The following NHS variants were observed in gnomAD, a reference collection of about 807,000 sequenced individuals.
NHS encodes actin remodeling regulator NHS.
A neutral mutation model predicts 72.5 loss-of-function variants in NHS; 5 were observed. That is an observed-to-expected ratio of 0.07 (90% CI 0.04 to 0.14). The LOEUF is 0.14. NHS is among the 10% of genes least tolerant of loss of function. The pLI is 1.00. For missense variants in NHS, 1,072 were observed against 1,355.7 expected (o/e 0.79, Z 3.29); for synonymous variants, 464 against 547.7 (o/e 0.85, Z 2.13).
intron 1 of NHS, among the ~76,000 whole-genome samples, chrX:17,613,292 G>C (rs1262205695): frequency 4.5e-5 from 5 of 111,416 alleles, no homozygotes; most frequent in Non-Finnish European, 9.4e-5. Flanking sequence ...AGAATCGCTT[G>C]AACCCTGGCG....
At chrX:17,395,823 C>T (rs1001103889) in intron 1 of NHS, among the ~76,000 whole-genome samples, 5 of 111,721 alleles carry the variant, frequency 4.5e-5, no homozygotes, top group African/African-American at 1.6e-4. Flanking sequence ...AAAATAATTG[C>T]AAAAGTAAAT....
At chrX:17,474,920 C>T (rs968236714) in intron 1 of NHS, among the ~76,000 whole-genome samples, 1 of 111,222 alleles carries the variant, frequency 9.0e-6, no homozygotes, top group Non-Finnish European at 1.9e-5. Flanking sequence ...TTTCAAATGG[C>T]ATCATCCTAG....
At chrX:17,584,060 A>G (rs1327935194) in intron 1 of NHS, among the ~76,000 whole-genome samples, 1 of 111,717 alleles carries the variant, frequency 9.0e-6, no homozygotes, top group Non-Finnish European at 1.9e-5. Flanking sequence ...GTTTGCTGAG[A>G]CAGGCAGTCC....
At chrX:17,453,092 C>T (rs1370188471) in intron 1 of NHS, among the ~76,000 whole-genome samples, 1 of 111,810 alleles carries the variant, frequency 8.9e-6, no homozygotes. Flanking sequence ...ATCTTTTCTT[C>T]ATTGTCAGGG....
Position 17,482,430 on chromosome X carries a change from T to C in NHS, c.565+106108T>C, listed in dbSNP as rs1342629353. 3.6e-5 allele frequency among the ~76,000 whole-genome samples: 4 copies of C among 112,549 alleles called. No individual in the cohort carries two copies. In the East Asian group the frequency reaches 8.4e-4, roughly 24 times the overall value. ...AGCAAAATTGTTTACTTCCTAAACA[T>C]TTTTCCAACCTCCAAAACAGCTCAC... On this transcript the variant is annotated intron_variant, in intron 1 of 8. Transcript: ENST00000676302.
At chrX:17,561,568 GCGCGCGCACACACACACACACA>G (rs1216725785) in intron 1 of NHS, among the ~76,000 whole-genome samples, 7 of 65,618 alleles carry the variant, frequency 1.1e-4, no homozygotes, top group African/African-American at 5.0e-4. Flanking sequence ...GCGCGCGCGC[GCGCGCGCACACACACACACACA>G]CACACACACA....
At chrX:17,504,941 T>C (rs986899421) in intron 1 of NHS, among the ~76,000 whole-genome samples, 44 of 111,860 alleles carry the variant, frequency 3.9e-4, no homozygotes, top group Non-Finnish European at 1.1e-4. Context: ...GTTCTAGTCT[T>C]CTCTCCAAAG....
chrX:17,399,899 G>A (rs2064495121), intron 1 of NHS, among the ~76,000 whole-genome samples: 1 of 111,783 alleles, frequency 8.9e-6, no homozygotes, highest in Admixed American at 9.5e-5. Flanking sequence ...TAACAAACTA[G>A]GAGTAGAAGG....
rs1006323415 is a variant in NHS at position 17,716,000 on chromosome X, T to C, written c.853-3344T>C. Among the ~76,000 whole-genome samples, 57 of 111,857 alleles carry C rather than the reference T, an allele frequency of 5.1e-4. 1 individual carries two copies. Among genetic ancestry groups the C allele is most frequent in the Non-Finnish European group, 7.1e-4 (38 of 53,208 alleles). On this transcript the variant is annotated intron_variant, in intron 3 of 8. Coordinates refer to ENST00000676302, the MANE Select transcript of NHS (RefSeq NM_001291867.2). ...CTCCACATCCAAGCTCCAGAGTACC[T>C]AGTTTCAACCCTCACAAGCTGGAGG...
rs2066506517 is a variant in NHS, at chrX:17,734,149, C to T, written c.*1685C>T. On this transcript the variant is annotated 3_prime_UTR_variant, in exon 9 of 9. Coordinates refer to ENST00000676302, the MANE Select transcript of NHS (RefSeq NM_001291867.2). ...CTAGAATGTGATTAGAGTGATAGAA[C>T]ATACCAATGTTACCAAGAAATTGAC... is the stretch of plus-strand genomic sequence containing the variant. The T allele has an allele frequency of 8.9e-6, 1 of 111,805 alleles. No homozygotes were observed. Among genetic ancestry groups the T allele is most frequent in the African/African-American group, 3.3e-5 (1 of 30,654 alleles). The allele number at this position is 111,805 out of a possible 1,213,427, so 9.2% of individuals were successfully genotyped here. A position where few individuals can be genotyped will look rare whatever the true frequency, so the allele number is the denominator to read the frequency against.
intron 1 of NHS, among the ~76,000 whole-genome samples, chrX:17,443,026 C>T (rs1349249204): frequency 8.9e-6 from 1 of 111,851 alleles, no homozygotes; most frequent in Non-Finnish European, 1.9e-5. Context: ...CAGGCCATGC[C>T]AGCAAGGCCC....
Position 17,719,388 on chromosome X carries a change from G to C in NHS, c.897G>C (p.Met299Ile). The C allele has an allele frequency of 8.6e-7, 1 of 1,165,529 alleles. No homozygotes were observed. Among genetic ancestry groups the C allele is most frequent in the Non-Finnish European group, 1.1e-6 (1 of 871,438 alleles). Residue 299 changes from methionine to isoleucine, a missense_variant, in exon 4 of 9, where the codon ATG becomes ATC. Physicochemically the swap from Met to Ile is conservative, Grantham distance 10 (BLOSUM62 1). Transcript: ENST00000676302. The part of the protein sequence containing the change: ...RSPSPTECCH[M>I]TPWSRKSHPP... ...CCTCCCCCACTGAATGTTGCCACAT[G>C]ACCCCGTGGAGTAGAAAGGTATTGG... is the stretch of plus-strand genomic sequence containing the variant.
rs1291047247 is a variant in NHS, at chrX:17,375,412, G to A, written c.-346G>A. Reference sequence around the variant, plus strand: ...ATTTATATAGGCGGCGGCGACGGCAGTGGCCGGGGTGGCGACGGCGAGCAC... The same window carrying A: ...ATTTATATAGGCGGCGGCGACGGCAATGGCCGGGGTGGCGACGGCGAGCAC... On this transcript the variant is annotated 5_prime_UTR_variant, in exon 1 of 9. It adds an upstream start codon to the 5' untranslated region. Transcript: ENST00000676302. The A allele has an allele frequency of 5.2e-6, 2 of 387,187 alleles. No homozygotes were observed. Among genetic ancestry groups the A allele is most frequent in the African/African-American group, 5.2e-5 (2 of 38,611 alleles). 31.9% of individuals were successfully genotyped at this position (387,187 alleles called of 1,213,427 possible).
At chrX:17,624,918 A>T (rs2065790753) in intron 1 of NHS, among the ~76,000 whole-genome samples, 1 of 112,198 alleles carries the variant, frequency 8.9e-6, no homozygotes, top group Non-Finnish European at 1.9e-5. Context: ...AAACTTATAG[A>T]TCAGGATGGT....
intron 1 of NHS, among the ~76,000 whole-genome samples, chrX:17,564,836 C>T (rs1453085749): frequency 8.9e-6 from 1 of 112,226 alleles, no homozygotes; most frequent in African/African-American, 3.2e-5. Context: ...TGTTTAGGCT[C>T]ATGACTCTGT....
intron 1 of NHS, among the ~76,000 whole-genome samples, chrX:17,481,998 G>A (rs1469130707): frequency 2.7e-5 from 3 of 112,266 alleles, no homozygotes; most frequent in African/African-American, 6.5e-5. Context: ...ATTTTTAAAT[G>A]TAGGCTTTGG....
Position 17,464,120 on chromosome X carries a change from G to C in NHS, c.565+87798G>C, listed in dbSNP as rs112466577. Among the ~76,000 whole-genome samples, 199 of 112,126 alleles carry C rather than the reference G, an allele frequency of 1.8e-3. 3 individuals are homozygous for C. The highest frequency in any genetic ancestry group is 6.0e-3 in the African/African-American group (186 of 30,911). On this transcript the variant is annotated intron_variant, in intron 1 of 8. Transcript: ENST00000676302. ...GTTTTGGTTTCTATGACCTGCCTTG[G>C]GGGAGAGGAATTCTAGTTTCCATGG...
chrX:17,388,817 G>A (rs1388728305), intron 1 of NHS, among the ~76,000 whole-genome samples: 1 of 110,407 alleles, frequency 9.1e-6, no homozygotes, highest in Non-Finnish European at 1.9e-5. Flanking sequence ...GGCAAGAGGG[G>A]TAGAAGCCAG....
chrX:17,731,869 A>C lies in NHS; in HGVS notation c.4361A>C (p.Lys1454Thr). The C allele has an allele frequency of 3.4e-6, 4 of 1,191,669 alleles. No homozygotes were observed. The highest frequency in any genetic ancestry group is 4.5e-6 in the Non-Finnish European group (4 of 885,376). ...TCCTTTTCTCAAAGATCCAAGAGGAAAGTACTTGGAAGAAAAGATTCCGGG... is the reference window on the plus strand; with the variant it reads ...TCCTTTTCTCAAAGATCCAAGAGGACAGTACTTGGAAGAAAAGATTCCGGG... Reference protein sequence around the residue: ...LFAVIHRSKRKVLGRKDSGDM... With the variant: ...LFAVIHRSKRTVLGRKDSGDM... Residue 1454 changes from lysine to threonine, a missense_variant, in exon 9 of 9, where the codon AAA becomes ACA. Coordinates refer to ENST00000676302, the MANE Select transcript of NHS (RefSeq NM_001291867.2).
Sources: gnomAD v4.1 joint callset for allele counts (sites outside exome capture counted in the v4.1 genomes callset) on GRCh38, gnomAD v4.1.1 for gene constraint, MANE v1.5 for transcripts, NCBI Gene and HGNC (gene_info 2026-07-23, HGNC 2026-07-21) for gene names.